The following PCDH15 variants were observed in gnomAD, a reference collection of about 807,000 sequenced individuals.
PCDH15 encodes protocadherin related 15, also known as protocadherin-15.
Under a neutral mutation model 178.5 loss-of-function variants are expected in PCDH15, and 129 were observed. The observed-to-expected ratio is 0.72, with a 90% confidence interval of 0.63 to 0.84. The LOEUF is 0.84. Among genes scored for constraint, PCDH15 ranks in the 40% least tolerant of loss-of-function variants. The pLI, the probability that PCDH15 is intolerant of heterozygous loss-of-function variation, is 0.00. For synonymous variants in PCDH15, 800 were observed against 732.0 expected, an observed-to-expected ratio of 1.09 and a Z score of -1.50; for missense variants, 2,230 against 2,099.9, an observed-to-expected ratio of 1.06 and a Z score of -1.21.
At chr10:55,200,931 A>G (rs1840228927) in intron 1 of PCDH15, among the ~76,000 whole-genome samples, 1 of 152,066 alleles carries the variant, frequency 6.6e-6, no homozygotes, top group Admixed American at 6.5e-5. Flanking sequence ...AAACTGTGAG[A>G]CAATTAAACC....
intron 17 of PCDH15, among the ~76,000 whole-genome samples, chr10:54,068,902 CAT>C (rs1456664923): frequency 6.6e-5 from 10 of 152,120 alleles, no homozygotes; most frequent in African/African-American, 2.2e-4. Context: ...CAAACATACA[CAT>C]GTGTGTCGAT....
At chr10:55,160,122 G>C (rs1839022931) in intron 2 of PCDH15, among the ~76,000 whole-genome samples, 2 of 151,954 alleles carry the variant, frequency 1.3e-5, no homozygotes, top group Non-Finnish European at 1.5e-5. Flanking sequence ...ATCCAGTTCT[G>C]GGTCATAAAA....
chr10:55,066,925 A>C (rs537848464), intron 2 of PCDH15, among the ~76,000 whole-genome samples: 167 of 152,014 alleles, frequency 1.1e-3, no homozygotes, highest in African/African-American at 3.8e-3. Context: ...AATTATACTA[A>C]TACACAAAAA....
chr10:54,909,043 T>C (rs1954774300), intron 2 of PCDH15, among the ~76,000 whole-genome samples: 1 of 152,154 alleles, frequency 6.6e-6, no homozygotes, highest in African/African-American at 2.4e-5. Flanking sequence ...GAGAGGGTAG[T>C]TTCTCTCTGC....
At chr10:54,199,513 A>C (rs1023074655) in intron 10 of PCDH15, among the ~76,000 whole-genome samples, 2 of 151,152 alleles carry the variant, frequency 1.3e-5, no homozygotes, top group Non-Finnish European at 2.9e-5. Flanking sequence ...AAAAATATTG[A>C]GATAAATACT....
At chr10:53,955,565 C>T (rs561077442) in intron 23 of PCDH15, among the ~76,000 whole-genome samples, 2 of 152,264 alleles carry the variant, frequency 1.3e-5, no homozygotes, top group South Asian at 4.1e-4. Flanking sequence ...GGAACGAAGA[C>T]ATTCCTGAGA....
intron 18 of PCDH15, among the ~76,000 whole-genome samples, chr10:54,052,919 G>T (rs1056850392): frequency 1.3e-5 from 2 of 152,138 alleles, no homozygotes; most frequent in Non-Finnish European, 2.9e-5. Flanking sequence ...TTTCTAAGGA[G>T]CTTTTCCCCG....
intron 21 of PCDH15, among the ~76,000 whole-genome samples, chr10:53,967,639 C>A (rs2089185600): frequency 6.6e-6 from 1 of 152,090 alleles, no homozygotes; most frequent in Admixed American, 6.6e-5. Flanking sequence ...ACAGAAGTCT[C>A]TTTTATATAT....
chr10:54,602,112 A>G (rs1338789462), intron 2 of PCDH15, among the ~76,000 whole-genome samples: 1 of 152,008 alleles, frequency 6.6e-6, no homozygotes, highest in Admixed American at 6.6e-5. Flanking sequence ...ACAAACCTGC[A>G]CATATACCCC....
chr10:54,522,376 C>A (rs1210042025), intron 3 of PCDH15, among the ~76,000 whole-genome samples: 1 of 152,148 alleles, frequency 6.6e-6, no homozygotes, highest in Non-Finnish European at 1.5e-5. Flanking sequence ...CTCCAGCTAT[C>A]TTCTTGCCAT....
chr10:54,104,572 T>C (rs1434206450), intron 15 of PCDH15, among the ~76,000 whole-genome samples: 2 of 151,982 alleles, frequency 1.3e-5, no homozygotes, highest in African/African-American at 2.4e-5. Context: ...GCGCGGTAGC[T>C]CACGCCTGTA....
At chr10:54,105,852 G>A (rs2094908703) in intron 15 of PCDH15, among the ~76,000 whole-genome samples, 1 of 152,074 alleles carries the variant, frequency 6.6e-6, no homozygotes, top group East Asian at 1.9e-4. Context: ...ATTAATAGCA[G>A]TATTATTCAT....
rs1954569798 is a variant in PCDH15, at chr10:54,897,774, C to G, written c.-79-274G>C. ...GTGCTTTTAGATTCAGATATTAGAT[C>G]ATTTTGGAAACTAATTTTTCAAATT... On this transcript the variant is annotated intron_variant, in intron 2 of 5. Transcript: ENST00000458638. 1.3e-5 allele frequency among the ~76,000 whole-genome samples: 2 copies of G among 151,986 alleles called. 1 individual carries two copies. Among genetic ancestry groups the G allele is most frequent in the South Asian group, 4.1e-4 (2 of 4,820 alleles).
At chr10:54,975,933 T>G (rs1199559466) in intron 2 of PCDH15, among the ~76,000 whole-genome samples, 1 of 151,946 alleles carries the variant, frequency 6.6e-6, no homozygotes, top group East Asian at 1.9e-4. Context: ...AGAACGCAAG[T>G]TTTTTTTGAA....
At chr10:53,980,234 A>G (rs1056580922) in intron 21 of PCDH15, among the ~76,000 whole-genome samples, 1 of 145,542 alleles carries the variant, frequency 6.9e-6, no homozygotes, top group African/African-American at 2.5e-5. Context: ...AAAAAAAAAG[A>G]AAAAAACTTA....
chr10:55,477,795 CAAAT>C (rs1224344586), intron 2 of PCDH15, among the ~76,000 whole-genome samples: 1 of 151,852 alleles, frequency 6.6e-6, no homozygotes, highest in Non-Finnish European at 1.5e-5. Context: ...TATCAGTAAA[CAAAT>C]GAATGAAGTG....
chr10:55,426,281 C>T (rs1030271464), intron 2 of PCDH15, among the ~76,000 whole-genome samples: 6 of 152,218 alleles, frequency 3.9e-5, no homozygotes, highest in Non-Finnish European at 5.9e-5. Context: ...CTCAACTCCT[C>T]GCAGGAGGGA....
intron 5 of PCDH15, among the ~76,000 whole-genome samples, chr10:54,360,702 C>G (rs147251933): frequency 2.6e-4 from 40 of 152,206 alleles, no homozygotes; most frequent in African/African-American, 9.4e-4. Flanking sequence ...ACATCATCAT[C>G]ATCATCCTAT....
intron 1 of PCDH15, among the ~76,000 whole-genome samples, chr10:54,718,870 T>C (rs1037550709): frequency 1.3e-4 from 20 of 151,784 alleles, no homozygotes; most frequent in African/African-American, 4.8e-4. Context: ...CTAATTTTTG[T>C]ATTTTTAGTA....
Sources: allele counts gnomAD v4.1 joint callset (sites outside exome capture counted in the v4.1 genomes callset), GRCh38; gene constraint gnomAD v4.1.1; transcripts MANE v1.5; gene names NCBI Gene and HGNC (gene_info 2026-07-23, HGNC 2026-07-21).